SRFBP1: variants seen among roughly 807,000 people sequenced by gnomAD.
SRFBP1 encodes serum response factor binding protein 1, also known as serum response factor-binding protein 1.
Under a neutral mutation model 45.5 loss-of-function variants are expected in SRFBP1, and 47 were observed. That is an observed-to-expected ratio of 1.03 (90% CI 0.82 to 1.32). The LOEUF is 1.32. Ranked by LOEUF, SRFBP1 falls within the 40% of genes most tolerant of loss-of-function variation. The pLI, the probability that SRFBP1 is intolerant of heterozygous loss-of-function variation, is 0.00. For missense variants in SRFBP1, 621 were observed against 484.6 expected (o/e 1.28, Z -2.64); for synonymous variants, 203 against 166.3 (o/e 1.22, Z -1.70).
At chr5:122,060,004 A>T (rs1033306541) in intron 2 of SRFBP1, among the ~76,000 whole-genome samples, 1 of 152,066 alleles carries the variant, frequency 6.6e-6, no homozygotes, top group Admixed American at 6.6e-5. Context: ...TGACATGTTG[A>T]ATAAGAAGGA....
intron 2 of SRFBP1, among the ~76,000 whole-genome samples, chr5:122,061,431 C>T (rs1237400322): frequency 1.3e-5 from 2 of 151,814 alleles, no homozygotes; most frequent in Non-Finnish European, 1.5e-5. Context: ...AAATTTTGTG[C>T]CTACTTCCCA....
At chr5:121,967,275 G>T (rs1752091707) in intron 1 of SRFBP1, among the ~76,000 whole-genome samples, 1 of 152,162 alleles carries the variant, frequency 6.6e-6, no homozygotes. Context: ...CAAAACGCTT[G>T]TGTCGTGATT....
chr5:121,972,168 TA>T (rs1752212429), intron 1 of SRFBP1, among the ~76,000 whole-genome samples: 2 of 151,910 alleles, frequency 1.3e-5, no homozygotes, highest in South Asian at 4.1e-4. Flanking sequence ...TAATCCATAG[TA>T]GAGGTTCTAG....
In SRFBP1 at chr5:122,037,344, CAT is replaced by C. The variant is rs369449497; in HGVS notation, n.311+14938_311+14939del. Among the ~76,000 whole-genome samples the C allele has an allele frequency of 5.3e-5, 8 of 152,324 alleles. 1 individual carries two copies. The highest frequency in any genetic ancestry group is 1.9e-4 in the African/African-American group (8 of 41,570). ...ATTATTTGTCTCTAATCCAGGACCA[CAT>C]GTCTTCTGCCGGCATCCCTAAAATT... On this transcript the variant is annotated intron_variant and non_coding_transcript_variant, in intron 2 of 2. Coordinates refer to the SRFBP1 transcript ENST00000504881.
At chr5:122,018,895 T>C (rs190347114) in intron 4 of SRFBP1, among the ~76,000 whole-genome samples, 26 of 152,306 alleles carry the variant, frequency 1.7e-4, no homozygotes, top group African/African-American at 6.3e-4. Flanking sequence ...TATTTGATTC[T>C]TTGATATTAA....
chr5:122,045,662 T>C (rs1753843232), intron 2 of SRFBP1, among the ~76,000 whole-genome samples: 1 of 152,182 alleles, frequency 6.6e-6, no homozygotes, highest in Admixed American at 6.6e-5. Flanking sequence ...GGCTTGTATG[T>C]CACTGGTGTA....
chr5:121,994,608 C>T lies in SRFBP1; in HGVS notation c.208C>T (p.Pro70Ser), dbSNP rs1752682213. 1.3e-6 allele frequency: 2 copies of T among 1,592,092 alleles called. No homozygotes were observed. The highest frequency in any genetic ancestry group is 1.7e-6 in the Non-Finnish European group (2 of 1,170,908). ...EEIHAMKELKPDIVTKSALGD... is the reference protein window; with the variant it reads ...EEIHAMKELKSDIVTKSALGD... ...TTTTATTCTTTCACAGGAATTGAAA[C>T]CTGACATAGTAACTAAATCTGCTCT... The change falls in exon 4 of 8, where the codon CCT becomes TCT. Residue 70 changes from proline to serine, a missense_variant. Coordinates refer to ENST00000339397, the MANE Select transcript of SRFBP1 (RefSeq NM_152546.3).
intron 3 of SRFBP1, among the ~76,000 whole-genome samples, chr5:121,994,367 G>C (rs1331819856): frequency 1.3e-5 from 2 of 151,856 alleles, no homozygotes; most frequent in Non-Finnish European, 2.9e-5. Context: ...GTTAGGTTTT[G>C]CTTTGATTCC....
intron 4 of SRFBP1, among the ~76,000 whole-genome samples, chr5:122,015,575 A>G (rs1157896508): frequency 6.6e-6 from 1 of 152,234 alleles, no homozygotes; most frequent in Non-Finnish European, 1.5e-5. Flanking sequence ...GAGTGCAGAC[A>G]TAGGCAATAT....
chr5:121,978,852 T>G (rs2112822880), intron 3 of SRFBP1, among the ~76,000 whole-genome samples: 1 of 152,336 alleles, frequency 6.6e-6, no homozygotes, highest in African/African-American at 2.4e-5. Context: ...CTATCCTGAA[T>G]ATTCTTTAAG....
At chr5:121,999,423 AGAC>A (rs1752807649) in intron 4 of SRFBP1, among the ~76,000 whole-genome samples, 2 of 152,288 alleles carry the variant, frequency 1.3e-5, no homozygotes, top group African/African-American at 4.8e-5. Flanking sequence ...GTGCACTTGA[AGAC>A]AACATATATT....
At chr5:122,026,614 G>A (rs1041817682) in intron 7 of SRFBP1, among the ~76,000 whole-genome samples, 3 of 152,148 alleles carry the variant, frequency 2.0e-5, no homozygotes, top group Non-Finnish European at 4.4e-5. Flanking sequence ...AATACATGAT[G>A]CCCTTCTTTT....
intron 4 of SRFBP1, among the ~76,000 whole-genome samples, chr5:122,013,162 G>C (rs75880407): frequency 0.038 from 5,822 of 152,120 alleles, 318 homozygotes; most frequent in African/African-American, 0.12. Context: ...TATTTTGCCT[G>C]AAAACTTCAC....
chr5:122,012,097 G>A (rs1025085353), intron 4 of SRFBP1, among the ~76,000 whole-genome samples: 2 of 152,112 alleles, frequency 1.3e-5, no homozygotes, highest in African/African-American at 2.4e-5. Context: ...CAGATTTTGA[G>A]TTCTAGCTTG....
chr5:122,077,667 C>T (rs1472377407), downstream of SRFBP1: 12 of 1,605,224 alleles, frequency 7.5e-6, no homozygotes, highest in Non-Finnish European at 9.3e-6. The surrounding 1 kb of genome is among the most constrained non-coding windows in gnomAD (Gnocchi z 4.9). Context: ...GATGAGCCGG[C>T]CGTCCGCGTT....
intron 3 of SRFBP1, among the ~76,000 whole-genome samples, chr5:121,989,497 A>G (rs1048450853): frequency 6.6e-6 from 1 of 152,210 alleles, no homozygotes; most frequent in African/African-American, 2.4e-5. Context: ...TTCTTTCACA[A>G]TTTTAAGTGA....
downstream of SRFBP1, among the ~76,000 whole-genome samples, chr5:122,030,931 G>T (rs1035863602): frequency 2.0e-5 from 3 of 152,058 alleles, no homozygotes; most frequent in Non-Finnish European, 4.4e-5. Context: ...TTGGAATCAA[G>T]GAGATTATGT....
At chr5:122,076,769 C>T, downstream of SRFBP1, 1 of 760,002 alleles carries the variant, frequency 1.3e-6, no homozygotes, top group Non-Finnish European at 2.2e-6. Flanking sequence ...TCACGTCCCA[C>T]TTCCCAGCTC....
intron 2 of SRFBP1, chr5:122,066,713 AT>A (rs2152584798): frequency 6.3e-7 from 1 of 1,592,574 alleles, no homozygotes; most frequent in South Asian, 1.1e-5. Context: ...CCAGGCACTG[AT>A]TTATCCATTG....
Sources: gnomAD v4.1 joint callset for allele counts (sites outside exome capture counted in the v4.1 genomes callset) on GRCh38, gnomAD v4.1.1 for gene constraint, Gnocchi (gnomAD v3.1) non-coding constraint, MANE v1.5 for transcripts, NCBI Gene and HGNC (gene_info 2026-07-23, HGNC 2026-07-21) for gene names.